The following TUSC3 variants were observed in gnomAD, a reference collection of about 807,000 sequenced individuals.
TUSC3 encodes dolichyl-diphosphooligosaccharide--protein glycosyltransferase subunit TUSC3.
In TUSC3, 45 loss-of-function variants were observed where a neutral mutation model predicts 44.8. That is an observed-to-expected ratio of 1.00 (90% CI 0.79 to 1.29). The LOEUF is 1.29. Among genes scored for constraint, TUSC3 ranks in the 50% most tolerant of loss-of-function variants. The pLI is 0.00. For missense variants in TUSC3, 519 were observed against 437.9 expected (o/e 1.19, Z -1.65); for synonymous variants, 212 against 152.9 (o/e 1.39, Z -2.85).
chr8:15,481,264 A>G (rs911587488), intron 1 of TUSC3, among the ~76,000 whole-genome samples: 2 of 151,798 alleles, frequency 1.3e-5, no homozygotes, highest in Admixed American at 6.6e-5. Flanking sequence ...AAAAAAAAAA[A>G]AAAAGTGGGG....
In TUSC3 at chr8:15,497,236, A is replaced by T. The variant is rs191300520; in HGVS notation, n.189+13753A>T. 1.3e-4 allele frequency among the ~76,000 whole-genome samples: 20 copies of T among 152,314 alleles called. No homozygotes were observed. In the East Asian group the frequency reaches 3.7e-3, roughly 28 times the overall value. ...AGATAAATGAACCATGGGCATTTAG[A>T]GTGTTAGCGTCTGCTTCCAAGTCCC... On this transcript the variant is annotated intron_variant and non_coding_transcript_variant, in intron 2 of 5. Transcript: ENST00000503191.
chr8:15,722,899 A>G (rs757136540), intron 6 of TUSC3, among the ~76,000 whole-genome samples: 10 of 152,072 alleles, frequency 6.6e-5, no homozygotes, highest in Non-Finnish European at 1.0e-4. Context: ...AGCTTTCACA[A>G]TATTACACAT....
At chr8:15,675,530 TG>T (rs1223214203) in intron 6 of TUSC3, among the ~76,000 whole-genome samples, 3 of 151,914 alleles carry the variant, frequency 2.0e-5, no homozygotes, top group Non-Finnish European at 4.4e-5. Flanking sequence ...TACTAAGGAT[TG>T]GGGTATGAAT....
chr8:15,556,386 C>G (rs1423052840), intron 1 of TUSC3, among the ~76,000 whole-genome samples: 1 of 151,042 alleles, frequency 6.6e-6, no homozygotes, highest in Non-Finnish European at 1.5e-5. Context: ...GCCACATTTT[C>G]TTAATCCAGT....
the TUSC3 span, among the ~76,000 whole-genome samples, chr8:15,847,452 T>C: frequency 4.8e-4 from 73 of 152,252 alleles, no homozygotes; most frequent in Admixed American, 1.3e-3. Context: ...AATAGCTGTC[T>C]CCTGTTGCCT....
In TUSC3 at chr8:15,713,474, C is replaced by T. The variant is rs189366398; in HGVS notation, c.799-17192C>T. On this transcript the variant is annotated intron_variant, in intron 6 of 10. Coordinates refer to ENST00000503731, the MANE Select transcript of TUSC3 (RefSeq NM_006765.4). ...TTAAGAAAACTAGCAGAATTTTTGT[C>T]AGTTGTAATAGATATATTAGTTTGC... Among the ~76,000 whole-genome samples, 397 of 152,260 alleles carry T rather than the reference C, an allele frequency of 2.6e-3. 2 individuals are homozygous for T. Among genetic ancestry groups the T allele is most frequent in the African/African-American group, 9.1e-3 (377 of 41,554 alleles).
intron 1 of TUSC3, among the ~76,000 whole-genome samples, chr8:15,449,717 G>A (rs1021623357): frequency 1.3e-5 from 2 of 152,068 alleles, no homozygotes; most frequent in African/African-American, 4.8e-5. Context: ...GTCTGCTGGG[G>A]GCTTAGAAAT....
At chr8:15,588,928 A>G (rs1803708957) in intron 1 of TUSC3, among the ~76,000 whole-genome samples, 2 of 152,112 alleles carry the variant, frequency 1.3e-5, no homozygotes, top group African/African-American at 4.8e-5. Flanking sequence ...CTGTGTTTGT[A>G]CTAGCACCAT....
intron 1 of TUSC3, among the ~76,000 whole-genome samples, chr8:15,570,686 A>T (rs1802839187): frequency 6.6e-6 from 1 of 152,064 alleles, no homozygotes; most frequent in Admixed American, 6.6e-5. Context: ...TTTATTGTAT[A>T]GGTGAACTTC....
the TUSC3 span, among the ~76,000 whole-genome samples, chr8:15,846,036 G>C: frequency 6.6e-6 from 1 of 152,092 alleles, no homozygotes; most frequent in Admixed American, 6.6e-5. Context: ...ATAAACCCAT[G>C]AGATCTCGTG....
chr8:15,536,081 C>G (rs1801518072), upstream of TUSC3, among the ~76,000 whole-genome samples: 1 of 152,042 alleles, frequency 6.6e-6, no homozygotes, highest in Non-Finnish European at 1.5e-5. Flanking sequence ...CCAGTGTGCC[C>G]CAGGGAATAC....
At chr8:15,516,107 A>G (rs1398154723) in intron 2 of TUSC3, among the ~76,000 whole-genome samples, 1 of 152,200 alleles carries the variant, frequency 6.6e-6, no homozygotes, top group African/African-American at 2.4e-5. Flanking sequence ...CTAGATTTTT[A>G]TAGTTACTCA....
intron 2 of TUSC3, among the ~76,000 whole-genome samples, chr8:15,639,725 A>G (rs959130378): frequency 5.4e-5 from 8 of 147,986 alleles, no homozygotes; most frequent in African/African-American, 1.7e-4. Flanking sequence ...AGATTTACTA[A>G]TTTTCATGGT....
the TUSC3 span, among the ~76,000 whole-genome samples, chr8:15,791,290 A>AACAC: frequency 8.6e-5 from 13 of 150,734 alleles, no homozygotes; most frequent in East Asian, 2.0e-4. Context: ...CCCACGCACA[A>AACAC]ACACACACAC....
intron 1 of TUSC3, among the ~76,000 whole-genome samples, chr8:15,427,107 G>C (rs1400386038): frequency 2.2e-5 from 3 of 133,920 alleles, no homozygotes; most frequent in Non-Finnish European, 4.9e-5. Flanking sequence ...ATTTGTAAGA[G>C]TTTCTTACAT....
chr8:15,746,248 C>T (rs1012258450), intron 8 of TUSC3, among the ~76,000 whole-genome samples: 5 of 151,944 alleles, frequency 3.3e-5, no homozygotes, highest in African/African-American at 7.2e-5. Context: ...ATTAAATCAC[C>T]GTTTTCAACT....
intron 2 of TUSC3, among the ~76,000 whole-genome samples, chr8:15,497,496 C>T (rs140430404): frequency 1.0e-3 from 155 of 152,226 alleles, no homozygotes; most frequent in Non-Finnish European, 1.6e-3. Context: ...CTTACACAAA[C>T]GCTATAGACC....
chr8:15,431,732 G>T (rs911449862), intron 1 of TUSC3, among the ~76,000 whole-genome samples: 1 of 151,254 alleles, frequency 6.6e-6, no homozygotes, highest in African/African-American at 2.4e-5. Context: ...GGGCAACTTT[G>T]TCTTCCTCCT....
chr8:15,539,641 C>A (rs1324825973), upstream of TUSC3, among the ~76,000 whole-genome samples: 1 of 152,058 alleles, frequency 6.6e-6, no homozygotes, highest in African/African-American at 2.4e-5. Context: ...CATGAGCCAC[C>A]ATGTCCAGTC....
Sources: gnomAD v4.1 joint callset for allele counts (sites outside exome capture counted in the v4.1 genomes callset) on GRCh38, gnomAD v4.1.1 for gene constraint, MANE v1.5 for transcripts, NCBI Gene and HGNC (gene_info 2026-07-23, HGNC 2026-07-21) for gene names.